CSNK1G1: variants seen among roughly 807,000 people sequenced by gnomAD.
The protein encoded by CSNK1G1 is casein kinase I isoform gamma-1.
In CSNK1G1, 22 loss-of-function variants were observed where a neutral mutation model predicts 59.6. The ratio of observed to expected loss-of-function variants is 0.37; its 90% CI spans 0.26 to 0.53. The LOEUF is 0.53. Ranked by LOEUF, CSNK1G1 falls within the 20% of genes least tolerant of loss-of-function variation. CSNK1G1 has a pLI of 0.89. For missense variants in CSNK1G1, 384 were observed against 519.5 expected (o/e 0.74, Z 2.54); for synonymous variants, 179 against 177.1 (o/e 1.01, Z -0.08).
chr15:64,225,569 T>C (rs1476455050), intron 4 of CSNK1G1, among the ~76,000 whole-genome samples: 1 of 152,170 alleles, frequency 6.6e-6, no homozygotes, highest in Non-Finnish European at 1.5e-5. Context: ...GAATCCTTCA[T>C]TTACATAGGG....
chr15:64,191,775 C>T (rs902936113), intron 10 of CSNK1G1, among the ~76,000 whole-genome samples: 2 of 152,140 alleles, frequency 1.3e-5, no homozygotes, highest in African/African-American at 2.4e-5. Context: ...TACTACTGCC[C>T]GCCAATGCCT....
intron 2 of CSNK1G1, chr15:64,265,909 C>T (rs1892955901): frequency 2.3e-6 from 1 of 432,502 alleles, no homozygotes; most frequent in Non-Finnish European, 4.6e-6. Flanking sequence ...ATATGAGACA[C>T]TGCATCTGCA....
At chr15:64,203,665 C>A (rs2082138562) in intron 9 of CSNK1G1, among the ~76,000 whole-genome samples, 1 of 141,212 alleles carries the variant, frequency 7.1e-6, no homozygotes, top group Admixed American at 7.2e-5. Context: ...CCATTGCACT[C>A]CAGCCTGGGC....
In CSNK1G1 at chr15:64,167,753, A is replaced by C. The variant is rs1438357207; in HGVS notation, c.*4178T>G. On this transcript the variant is annotated 3_prime_UTR_variant, in exon 12 of 12. Coordinates refer to ENST00000303052, the MANE Select transcript of CSNK1G1 (RefSeq NM_022048.5). ...GAAATGGAAGAGGTGGCTGGAACAC[A>C]GGAGGCATGTGGGCTTGGGAGATGC... is the stretch of plus-strand genomic sequence containing the variant. The C allele has an allele frequency of 6.5e-6, 1 of 152,676 alleles. No individual in the cohort carries two copies. Among genetic ancestry groups the C allele is most frequent in the East Asian group, 1.9e-4 (1 of 5,196 alleles). 9.5% of individuals were successfully genotyped at this position (152,676 alleles called of 1,614,324 possible).
At chr15:64,184,834 T>C (rs139400729) in intron 10 of CSNK1G1, among the ~76,000 whole-genome samples, 2 of 152,346 alleles carry the variant, frequency 1.3e-5, no homozygotes, top group African/African-American at 4.8e-5. Flanking sequence ...AAGGACTGTT[T>C]TGACGTTCAG....
chr15:64,245,973 GT>G (rs1481843858), intron 4 of CSNK1G1, among the ~76,000 whole-genome samples: 5 of 152,110 alleles, frequency 3.3e-5, no homozygotes, highest in Non-Finnish European at 7.4e-5. Context: ...AGAGAGCTTG[GT>G]TAATGGGTAC....
Position 64,165,821 on chromosome 15 carries a change from T to G in CSNK1G1, c.*6110A>C, listed in dbSNP as rs1471329209. ...CCCCAAACTGGGGAAGAGGTATACT[T>G]AAAGATCACATTTGTGTTTTCCATG... is the stretch of plus-strand genomic sequence containing the variant. On this transcript the variant is annotated 3_prime_UTR_variant, in exon 12 of 12. Coordinates refer to ENST00000303052, the MANE Select transcript of CSNK1G1 (RefSeq NM_022048.5). The G allele has an allele frequency of 2.4e-6, 1 of 414,188 alleles. No homozygotes were observed. The highest frequency in any genetic ancestry group is 4.3e-6 in the Non-Finnish European group (1 of 234,712). 25.7% of individuals were successfully genotyped at this position (414,188 alleles called of 1,614,324 possible).
Position 64,349,878 on chromosome 15 carries a change from C to A in CSNK1G1, c.-225+6110G>T, listed in dbSNP as rs1898186016. Among the ~76,000 whole-genome samples, 3 of 150,274 alleles carry A rather than the reference C, an allele frequency of 2.0e-5. No individual in the cohort carries two copies. In the South Asian group the frequency reaches 6.3e-4, roughly 32 times the overall value. ...TCACTTGAGCTCAGGAGTTCAAGAC[C>A]AGCCTGAGCAACACACTGAGACCCT... On this transcript the variant is annotated intron_variant, in intron 1 of 11. Coordinates refer to ENST00000303052, the MANE Select transcript of CSNK1G1 (RefSeq NM_022048.5).
chr15:64,317,483 A>G (rs1343345208), intron 1 of CSNK1G1, among the ~76,000 whole-genome samples: 5 of 150,460 alleles, frequency 3.3e-5, no homozygotes, highest in South Asian at 2.1e-4. Flanking sequence ...CTATTAGTGA[A>G]TATTATCAAA....
chr15:64,199,895 A>C (rs2082086282), intron 10 of CSNK1G1, among the ~76,000 whole-genome samples: 1 of 152,170 alleles, frequency 6.6e-6, no homozygotes, highest in Admixed American at 6.5e-5. Flanking sequence ...ATTCTATCAC[A>C]TTCTAAGAGA....
At chr15:64,215,629 T>C (rs533397942) in intron 5 of CSNK1G1, among the ~76,000 whole-genome samples, 1 of 152,240 alleles carries the variant, frequency 6.6e-6, no homozygotes, top group Non-Finnish European at 1.5e-5. Context: ...GAGAGACCAT[T>C]ACCATTTTAA....
chr15:64,211,461 T>C (rs1285564836), intron 6 of CSNK1G1, among the ~76,000 whole-genome samples: 2 of 152,174 alleles, frequency 1.3e-5, no homozygotes, highest in Non-Finnish European at 2.9e-5. Context: ...TGAAAAACTC[T>C]GGTACTCAGT....
intron 4 of CSNK1G1, among the ~76,000 whole-genome samples, chr15:64,251,146 C>G (rs553188793): frequency 6.6e-6 from 1 of 152,280 alleles, no homozygotes; most frequent in Non-Finnish European, 1.5e-5. Context: ...AACAGATAAA[C>G]CATCTCAGTA....
chr15:64,351,361 T>G (rs1002050739), intron 1 of CSNK1G1, among the ~76,000 whole-genome samples: 8 of 152,204 alleles, frequency 5.3e-5, no homozygotes, highest in African/African-American at 1.9e-4. Flanking sequence ...TCCTAAAACT[T>G]TCTGAGGTCA....
chr15:64,255,664 C>T (rs912439461), intron 3 of CSNK1G1, among the ~76,000 whole-genome samples: 2 of 152,214 alleles, frequency 1.3e-5, no homozygotes, highest in East Asian at 3.8e-4. Context: ...ATTCCTTTCA[C>T]CTTTCCTCAT....
chr15:64,204,427 AAAAG>A lies in CSNK1G1; in HGVS notation c.999+10_999+13del. On this transcript the variant is annotated intron_variant, in intron 9 of 11. Coordinates refer to ENST00000303052, the MANE Select transcript of CSNK1G1 (RefSeq NM_022048.5). ...GTAATGAGGTTAAAAAAAAAAAAAA[AAAAG>A]GATACTTACAATAGGTCTCCCAACC... 1 of 1,554,968 alleles carries A rather than the reference AAAAG, an allele frequency of 6.4e-7. No homozygotes were observed.
At chr15:64,295,619 AAAGT>A (rs1287689304) in intron 2 of CSNK1G1, among the ~76,000 whole-genome samples, 1 of 152,204 alleles carries the variant, frequency 6.6e-6, no homozygotes, top group African/African-American at 2.4e-5. Context: ...ACTAAAAAGC[AAAGT>A]AATACCCTTA....
intron 1 of CSNK1G1, among the ~76,000 whole-genome samples, chr15:64,330,204 C>T (rs375829044): frequency 0.016 from 1,535 of 96,824 alleles, 2 homozygotes; most frequent in South Asian, 0.028. Context: ...ATACCAAAGC[C>T]GGGCAGAGAC....
chr15:64,182,317 C>T (rs1170298416), intron 10 of CSNK1G1, among the ~76,000 whole-genome samples: 1 of 152,152 alleles, frequency 6.6e-6, no homozygotes, highest in Non-Finnish European at 1.5e-5. Flanking sequence ...AGGTTGTCCA[C>T]CTGCCTTGGC....
Sources: gnomAD v4.1 joint callset for allele counts (sites outside exome capture counted in the v4.1 genomes callset) on GRCh38, gnomAD v4.1.1 for gene constraint, MANE v1.5 for transcripts, NCBI Gene and HGNC (gene_info 2026-07-23, HGNC 2026-07-21) for gene names.